Variants in PIF1 observed in about 807,000 individuals in gnomAD.
PIF1 encodes the protein ATP-dependent DNA helicase PIF1.
PIF1 carries 67 observed loss-of-function variants against 62.3 expected under a neutral mutation model. The ratio of observed to expected loss-of-function variants is 1.08; its 90% CI spans 0.88 to 1.32. The LOEUF is 1.32. Ranked by LOEUF, PIF1 falls within the 40% of genes most tolerant of loss-of-function variation. PIF1 has a pLI of 0.00. For missense variants in PIF1, 886 were observed against 866.1 expected (o/e 1.02, Z -0.29); for synonymous variants, 364 against 379.5 (o/e 0.96, Z 0.47).
Position 64,824,232 on chromosome 15 carries a change from C to A in PIF1, c.104G>T (p.Arg35Leu). ...CAGCTCCGCGGTGCGCAGGGCCTGG[C>A]GCCTTCGCGGCTGCCCGCCCGGGCT... ...ELSPGGQPRR[R>L]QALRTAELSL... The change falls in exon 2 of 13, where the codon CGC becomes CTC. Residue 35 changes from arginine (R) to leucine (L), a missense_variant. Arg to Leu is a moderately radical substitution (Grantham distance 102). Transcript: ENST00000559239. 7.5e-7 allele frequency: 1 copy of A among 1,324,558 alleles called. No individual in the cohort carries two copies. The highest frequency in any genetic ancestry group is 9.7e-7 in the Non-Finnish European group (1 of 1,030,432). The allele number at this position is 1,324,558 out of a possible 1,614,324, so 82.1% of individuals were successfully genotyped here. A position where few individuals can be genotyped will look rare whatever the true frequency, so the allele number is the denominator to read the frequency against.
At chr15:64,825,483 T>A (rs1027113847) in intron 1 of PIF1, 86 bp downstream of exon 1, 2 of 152,026 alleles carry the variant, frequency 1.3e-5, no homozygotes, top group Non-Finnish European at 2.9e-5. Context: ...CCTGGGACCC[T>A]AGAAGCCGTG....
chr15:64,822,117 C>T, intron 4 of PIF1, 149 bp downstream of exon 4: 1 of 996,430 alleles, frequency 1.0e-6, no homozygotes, highest in Non-Finnish European at 1.5e-6. Flanking sequence ...TCAAGCGATC[C>T]TCCCACCTTG....
In PIF1 at chr15:64,821,009, G is replaced by C. The variant is rs2084277569; in HGVS notation, c.1166C>G (p.Ser389Cys). The C allele has an allele frequency of 6.2e-7, 1 of 1,614,106 alleles. No individual in the cohort carries two copies. Among genetic ancestry groups the C allele is most frequent in the Non-Finnish European group, 8.5e-7 (1 of 1,180,016 alleles). ...GCCTAGCCTCACGGCCTGCAGTAGA[G>C]AGATGAAGGTCTGGTCTGCCTGCCT... ...VWRQADQTFI[S>C]LLQAVRLGRC... is the part of the protein sequence containing the mutation. The change falls in exon 7 of 13, where the codon TCT (serine) becomes TGT (cysteine). Residue 389 changes from serine to cysteine, a missense_variant. Coordinates refer to ENST00000559239, the MANE Select transcript of PIF1 (RefSeq NM_001286496.2).
chr15:64,820,104 C>A, intron 7 of PIF1, 118 bp from the exon 8 acceptor site: 1 of 1,316,348 alleles, frequency 7.6e-7, no homozygotes, highest in Non-Finnish European at 1.0e-6. Context: ...GAAGAGGGCA[C>A]CAGGGAAGAG....
At chr15:64,820,480 T>C (rs2084269742) in intron 7 of PIF1, among the ~76,000 whole-genome samples, 1 of 152,256 alleles carries the variant, frequency 6.6e-6, no homozygotes, top group South Asian at 2.1e-4. Flanking sequence ...CACTGCAACC[T>C]CTGCCTCCCT....
In PIF1 at chr15:64,824,213, CGCGG is replaced by C; in HGVS notation, c.119_122del (p.Thr40ArgfsTer3). ...GCTCGTTGCGACCCAGGCTCAGCTC[CGCGG>C]TGCGCAGGGCCTGGCGCCTTCGCGG... On this transcript the variant is annotated frameshift_variant, in exon 2 of 13. Coordinates refer to ENST00000559239, the MANE Select transcript of PIF1 (RefSeq NM_001286496.2). LOFTEE classifies it high-confidence loss of function. 1 of 1,352,702 alleles carries C rather than the reference CGCGG, an allele frequency of 7.4e-7. No individual in the cohort carries two copies. Among genetic ancestry groups the C allele is most frequent in the Admixed American group, 3.0e-5 (1 of 33,546 alleles). The allele number at this position is 1,352,702 out of a possible 1,614,324, so 83.8% of individuals were successfully genotyped here.
At chr15:64,817,911 C>T in intron 11 of PIF1, 35 bp downstream of exon 11, 1 of 1,584,666 alleles carries the variant, frequency 6.3e-7, no homozygotes, top group Non-Finnish European at 8.6e-7. Flanking sequence ...CCTCCCTCTG[C>T]CCTCCCTGTC....
intron 2 of PIF1, among the ~76,000 whole-genome samples, chr15:64,823,054 TCAC>T (rs2084313181): frequency 6.6e-6 from 1 of 152,080 alleles, no homozygotes; most frequent in African/African-American, 2.4e-5. Flanking sequence ...GGGCTATGAT[TCAC>T]CTGCCCCAGC....
upstream of PIF1, among the ~76,000 whole-genome samples, chr15:64,826,665 TACAC>T (rs796586375): frequency 0.016 from 700 of 42,708 alleles, 46 homozygotes; most frequent in South Asian, 0.04. Context: ...TATATATATA[TACAC>T]ACACACACAC....
intron 2 of PIF1, chr15:64,823,122 T>TAC: frequency 3.7e-5 from 6 of 162,772 alleles, no homozygotes; most frequent in Non-Finnish European, 6.6e-5. Flanking sequence ...CTTCAACTGT[T>TAC]GGCTGCCCAG....
chr15:64,818,352 GGA>G lies in PIF1; in HGVS notation c.1441-10_1441-9del. 1 of 1,613,718 alleles carries G rather than the reference GGA, an allele frequency of 6.2e-7. No individual in the cohort carries two copies. Among genetic ancestry groups the G allele is most frequent in the Middle Eastern group, 1.6e-4 (1 of 6,062 alleles). Reference sequence around the variant, plus strand: ...GTTTTTCACCAGCATCACCTGCAAGGGAGAGAGAGGAATGGACAGCAGCCCCC... The same window carrying G: ...GTTTTTCACCAGCATCACCTGCAAGGGAGAGAGGAATGGACAGCAGCCCCC... On this transcript the variant is annotated splice_polypyrimidine_tract_variant and intron_variant, in intron 9 of 12. Transcript: ENST00000559239.
chr15:64,823,704 G>A (rs1279885230), intron 2 of PIF1, 74 bp downstream of exon 2: 1 of 1,138,252 alleles, frequency 8.8e-7, no homozygotes, highest in South Asian at 4.5e-5. Context: ...CCTCAAACTT[G>A]GGTCTCTAGG....
At chr15:64,822,064 C>A in intron 4 of PIF1, 1 of 630,928 alleles carries the variant, frequency 1.6e-6, no homozygotes, top group South Asian at 2.2e-5. Flanking sequence ...TTTGTGGAGA[C>A]AGGGTTTACT....
In PIF1 at chr15:64,819,172, G is replaced by T. The variant is rs1436595753; in HGVS notation, c.1385C>A (p.Thr462Asn). ...AMDSNPELAS[T>N]LDAQCPVSQL... The stretch of plus-strand genomic sequence containing the variant: ...GCTAACAGGACACTGGGCATCCAGG[G>T]TACTGGCCAGCTCAGGGTTGCTGTC... The change falls in exon 9 of 13, where the codon ACC becomes AAC. Residue 462 changes from threonine to asparagine, a missense_variant. Transcript: ENST00000559239. 1 of 1,602,280 alleles carries T rather than the reference G, an allele frequency of 6.2e-7. No individual in the cohort carries two copies. Among genetic ancestry groups the T allele is most frequent in the Non-Finnish European group, 8.5e-7 (1 of 1,176,752 alleles).
At position 64,821,539 on chromosome 15, in the gene PIF1, A is replaced by T; in HGVS notation, c.818-19T>A. 6.5e-7 allele frequency: 1 copy of T among 1,550,030 alleles called. No individual in the cohort carries two copies. Among genetic ancestry groups the T allele is most frequent in the South Asian group, 1.2e-5 (1 of 83,890 alleles). Reference sequence around the variant, plus strand: ...CCGATGCCTGTGAGTGACACTATTCAGCCTGGGCTAATACCCAAAGCCTCT... The same window carrying T: ...CCGATGCCTGTGAGTGACACTATTCTGCCTGGGCTAATACCCAAAGCCTCT... On this transcript the variant is annotated intron_variant, in intron 4 of 12. Transcript: ENST00000559239.
At position 64,823,839 on chromosome 15, in the gene PIF1, A is replaced by G; in HGVS notation, c.497T>C (p.Val166Ala). Reference sequence around the variant, plus strand: ...CCGCTTCACCAGCGTAGTGTCCGGAACCCGGGTGGCCGCCCTGAGCCGCCG... The same window carrying G: ...CCGCTTCACCAGCGTAGTGTCCGGAGCCCGGGTGGCCGCCCTGAGCCGCCG... ...EERRLRAATR[V>A]PDTTLVKRPV... The change falls in exon 2 of 13, where the codon GTT (valine) becomes GCT (alanine). Residue 166 changes from valine (V) to alanine (A), a missense_variant. Coordinates refer to ENST00000559239, the MANE Select transcript of PIF1 (RefSeq NM_001286496.2). The G allele has an allele frequency of 7.3e-7, 1 of 1,375,516 alleles. No individual in the cohort carries two copies. Among genetic ancestry groups the G allele is most frequent in the Non-Finnish European group, 9.5e-7 (1 of 1,053,874 alleles). The allele number at this position is 1,375,516 out of a possible 1,614,324, so 85.2% of individuals were successfully genotyped here. A position where few individuals can be genotyped will look rare whatever the true frequency, so the allele number is the denominator to read the frequency against.
upstream of PIF1, among the ~76,000 whole-genome samples, chr15:64,826,661 T>TACAC (rs1193183451): frequency 6.1e-3 from 163 of 26,550 alleles, 1 homozygote; most frequent in African/African-American, 6.7e-3. Flanking sequence ...TATATATATA[T>TACAC]ATATACACAC....
Position 64,823,983 on chromosome 15 carries a change from C to A in PIF1, c.353G>T (p.Arg118Leu), listed in dbSNP as rs534178442. The change falls in exon 2 of 13, where the codon CGC becomes CTC. Residue 118 changes from arginine (R) to leucine (L), a missense_variant. Coordinates refer to ENST00000559239, the MANE Select transcript of PIF1 (RefSeq NM_001286496.2). Reference sequence around the variant, plus strand: ...CGCAGCCAGCTTGAGGCGCAATGTGCGCAGGAAGCGGCGCAGGCGGTCTGG... The same window carrying A: ...CGCAGCCAGCTTGAGGCGCAATGTGAGCAGGAAGCGGCGCAGGCGGTCTGG... ...CPPDRLRRFL[R>L]TLRLKLAAAP... 1.5e-6 allele frequency: 2 copies of A among 1,299,662 alleles called. No homozygotes were observed. The highest frequency in any genetic ancestry group is 2.3e-5 in the South Asian group (1 of 43,676). 80.5% of individuals were successfully genotyped at this position (1,299,662 alleles called of 1,614,324 possible).
At position 64,821,013 on chromosome 15, in the gene PIF1, T is replaced by C. The variant is rs773127209; in HGVS notation, c.1162A>G (p.Ile388Val). 5.6e-6 allele frequency: 9 copies of C among 1,613,946 alleles called. No individual in the cohort carries two copies. Among genetic ancestry groups the C allele is most frequent in the Middle Eastern group, 1.6e-4 (1 of 6,084 alleles). The change falls in exon 7 of 13, where the codon ATC becomes GTC. Residue 388 changes from isoleucine to valine, a missense_variant. Ile to Val is a conservative substitution (Grantham distance 29, BLOSUM62 3). Transcript: ENST00000559239. ...KVWRQADQTF[I>V]SLLQAVRLGR... ...AGCCTCACGGCCTGCAGTAGAGAGA[T>C]GAAGGTCTGGTCTGCCTGCCTCCAC...
Sources: allele counts gnomAD v4.1 joint callset (sites outside exome capture counted in the v4.1 genomes callset), GRCh38; gene constraint gnomAD v4.1.1; transcripts MANE v1.5; gene names NCBI Gene and HGNC (gene_info 2026-07-23, HGNC 2026-07-21).